OXR1: variants seen among roughly 807,000 people sequenced by gnomAD.
The protein encoded by OXR1 is oxidation resistance protein 1.
Under a neutral mutation model 104.6 loss-of-function variants are expected in OXR1, and 41 were observed. The observed-to-expected ratio is 0.39, with a 90% confidence interval of 0.31 to 0.51. The LOEUF is 0.51. Ranked by LOEUF, OXR1 falls within the 20% of genes least tolerant of loss-of-function variation. OXR1 has a pLI of 0.77. For missense variants in OXR1, 955 were observed against 1,031.9 expected, an observed-to-expected ratio of 0.93 and a Z score of 1.02; for synonymous variants, 348 against 348.4, an observed-to-expected ratio of 1.00 and a Z score of 0.01.
In OXR1 at chr8:106,682,265, C is replaced by CTTT. The variant is rs760684524; in HGVS notation, c.304-915_304-913dup. On this transcript the variant is annotated intron_variant, in intron 4 of 16. Transcript: ENST00000517566. ...ATTTGTGTTTTCTTCAGAGCTCTCT[C>CTTT]TTTTTTTTTTTTTTTTTTTTTGAGA... is the stretch of plus-strand genomic sequence containing the variant. Among the ~76,000 whole-genome samples, 314 of 117,860 alleles carry CTTT rather than the reference C, an allele frequency of 2.7e-3. 3 individuals carry two copies. The highest frequency in any genetic ancestry group is 4.0e-3 in the Non-Finnish European group (225 of 55,934). 77.3% of individuals were successfully genotyped at this position (117,860 alleles called of 152,430 possible).
Position 106,713,891 on chromosome 8 carries a change from A to G in OXR1, c.1862A>G (p.Tyr621Cys). ...ATATATGCAGAAGATACTGGCGAAT[A>G]TACCAGAGAACCTGGATTTATAGTA... ...PEIYAEDTGE[Y>C]TREPGFIVVK... The change falls in exon 11 of 17, where the codon TAT becomes TGT. Residue 621 changes from tyrosine to cysteine, a missense_variant. Transcript: ENST00000517566. 1.3e-6 allele frequency: 2 copies of G among 1,592,746 alleles called. No homozygotes were observed. Among genetic ancestry groups the G allele is most frequent in the Non-Finnish European group, 1.7e-6 (2 of 1,172,748 alleles).
chr8:106,735,257 C>T (rs1285904176), intron 11 of OXR1, among the ~76,000 whole-genome samples: 9 of 150,928 alleles, frequency 6.0e-5, no homozygotes. Context: ...CCCATCAGGG[C>T]ATGAGTAAAT....
intron 2 of OXR1, among the ~76,000 whole-genome samples, chr8:106,361,310 T>G (rs1305387971): frequency 6.6e-6 from 1 of 152,250 alleles, no homozygotes; most frequent in African/African-American, 2.4e-5. Context: ...GTAAGAATTC[T>G]TTCCATGTTA....
At chr8:106,406,862 G>A (rs1052314977) in intron 2 of OXR1, among the ~76,000 whole-genome samples, 7 of 152,122 alleles carry the variant, frequency 4.6e-5, no homozygotes, top group Non-Finnish European at 7.4e-5. Flanking sequence ...ATAATAGCAC[G>A]TCCATATAAA....
chr8:106,649,413 C>T (rs1180477030), intron 3 of OXR1, among the ~76,000 whole-genome samples: 1 of 151,864 alleles, frequency 6.6e-6, no homozygotes, highest in Non-Finnish European at 1.5e-5. Context: ...ATATAGCCTT[C>T]TGTACTATAG....
chr8:106,444,972 A>G (rs543247856), intron 2 of OXR1, among the ~76,000 whole-genome samples: 2 of 152,234 alleles, frequency 1.3e-5, no homozygotes, highest in Admixed American at 6.5e-5. Context: ...AACAAATATG[A>G]ATAGTTTAGA....
At chr8:106,350,154 A>G (rs1019433501) in intron 1 of OXR1, among the ~76,000 whole-genome samples, 9 of 152,196 alleles carry the variant, frequency 5.9e-5, no homozygotes, top group African/African-American at 2.2e-4. Flanking sequence ...CGGAGGCACC[A>G]AAGAAGCTTA....
intron 2 of OXR1, among the ~76,000 whole-genome samples, chr8:106,413,458 A>C (rs905377333): frequency 2.6e-5 from 4 of 152,162 alleles, no homozygotes; most frequent in African/African-American, 9.6e-5. Flanking sequence ...TGAAAATTTA[A>C]GGTATCCTAG....
At chr8:106,534,340 G>T (rs1292469535) in intron 3 of OXR1, among the ~76,000 whole-genome samples, 1 of 152,132 alleles carries the variant, frequency 6.6e-6, no homozygotes, top group Non-Finnish European at 1.5e-5. Context: ...ATCTTAACAC[G>T]TGTGTTCCTT....
At chr8:106,282,838 T>G (rs1303772091) in intron 1 of OXR1, among the ~76,000 whole-genome samples, 15 of 152,196 alleles carry the variant, frequency 9.9e-5, no homozygotes, top group Non-Finnish European at 2.9e-5. Flanking sequence ...AAGGGTCAAC[T>G]GTATTAATAA....
rs921510879 is a variant in OXR1 at position 106,488,836 on chromosome 8, A to G, written c.24-30107A>G. Among the ~76,000 whole-genome samples, 18 of 150,266 alleles carry G rather than the reference A, an allele frequency of 1.2e-4. 1 individual carries two copies. The highest frequency in any genetic ancestry group is 4.4e-4 in the African/African-American group (18 of 40,470). On this transcript the variant is annotated intron_variant, in intron 2 of 16. Coordinates refer to ENST00000517566, the MANE Select transcript of OXR1 (RefSeq NM_001198533.2). Reference sequence around the variant, plus strand: ...GTTTTGGTTACTGTAGCCTTGTAGTATAGTTTGAAGTCAGGTAGTGTGATA... The same window carrying G: ...GTTTTGGTTACTGTAGCCTTGTAGTGTAGTTTGAAGTCAGGTAGTGTGATA...
At chr8:106,348,937 A>T (rs576152973) in intron 1 of OXR1, among the ~76,000 whole-genome samples, 1 of 152,168 alleles carries the variant, frequency 6.6e-6, no homozygotes, top group East Asian at 1.9e-4. Context: ...CTAAATAAGA[A>T]ATTTGCATAT....
At chr8:106,557,203 G>A (rs1324024611) in intron 3 of OXR1, among the ~76,000 whole-genome samples, 1 of 152,078 alleles carries the variant, frequency 6.6e-6, no homozygotes, top group Non-Finnish European at 1.5e-5. Context: ...AAATATACCT[G>A]AAAAGCTGAT....
intron 2 of OXR1, among the ~76,000 whole-genome samples, chr8:106,469,931 A>C (rs1438236063): frequency 6.6e-6 from 1 of 151,840 alleles, no homozygotes; most frequent in African/African-American, 2.4e-5. Flanking sequence ...AATGAAAGAC[A>C]CAAATGAATC....
chr8:106,369,477 C>G (rs904521830), intron 2 of OXR1, among the ~76,000 whole-genome samples: 3 of 152,172 alleles, frequency 2.0e-5, no homozygotes, highest in Admixed American at 2.0e-4. Context: ...TTGCCTGTGC[C>G]TATGTCCTGA....
chr8:106,494,643 C>G (rs1811303849), intron 2 of OXR1, among the ~76,000 whole-genome samples: 1 of 152,154 alleles, frequency 6.6e-6, no homozygotes, highest in Non-Finnish European at 1.5e-5. Flanking sequence ...TATATAGTCA[C>G]TTATAACAGT....
intron 2 of OXR1, among the ~76,000 whole-genome samples, chr8:106,441,383 A>G (rs1344253300): frequency 6.6e-6 from 1 of 151,968 alleles, no homozygotes; most frequent in African/African-American, 2.4e-5. Flanking sequence ...TTTGCTTAGG[A>G]TTTTCTTGGC....
intron 2 of OXR1, among the ~76,000 whole-genome samples, chr8:106,388,076 T>C (rs1050481830): frequency 5.3e-5 from 8 of 152,150 alleles, no homozygotes; most frequent in East Asian, 1.9e-4. Context: ...ATTAGAAAGA[T>C]TGTGGCTTTC....
intron 1 of OXR1, among the ~76,000 whole-genome samples, chr8:106,273,379 A>G (rs538044984): frequency 2.0e-5 from 3 of 152,216 alleles, no homozygotes; most frequent in Non-Finnish European, 4.4e-5. Flanking sequence ...GATCTTGTTG[A>G]TAGGCTTAGA....
Sources: gnomAD v4.1 joint callset for allele counts (sites outside exome capture counted in the v4.1 genomes callset) on GRCh38, gnomAD v4.1.1 for gene constraint, MANE v1.5 for transcripts, NCBI Gene and HGNC (gene_info 2026-07-23, HGNC 2026-07-21) for gene names.